NAA30: variants seen among roughly 807,000 people sequenced by gnomAD.
NAA30 encodes N-alpha-acetyltransferase 30, NatC catalytic subunit, also known as N-alpha-acetyltransferase 30.
NAA30 carries 5 observed loss-of-function variants against 31.4 expected under a neutral mutation model. The ratio of observed to expected loss-of-function variants is 0.16; its 90% CI spans 0.08 to 0.33. The LOEUF (loss-of-function observed/expected upper bound fraction) is 0.33. NAA30 is among the 10% of genes least tolerant of loss of function. The pLI is 1.00. For missense variants in NAA30, 428 were observed against 490.8 expected (o/e 0.87, Z 1.21); for synonymous variants, 222 against 207.1 (o/e 1.07, Z -0.62).
chr14:57,407,386 T>C (rs912735770), intron 4 of NAA30, among the ~76,000 whole-genome samples: 3 of 152,114 alleles, frequency 2.0e-5, no homozygotes, highest in Non-Finnish European at 4.4e-5. Context: ...CTAGGAGAGA[T>C]GACATACCAC....
chr14:57,406,326 AT>A (rs1313997450), intron 4 of NAA30, among the ~76,000 whole-genome samples: 13 of 152,120 alleles, frequency 8.5e-5, no homozygotes, highest in African/African-American at 3.1e-4. Flanking sequence ...AATATTTTAG[AT>A]TGCTAAATAT....
chr14:57,409,909 A>G lies in NAA30; in HGVS notation c.*393A>G. 6.4e-6 allele frequency: 1 copy of G among 157,124 alleles called. No homozygotes were observed. 9.7% of individuals were successfully genotyped at this position (157,124 alleles called of 1,614,324 possible). A position where few individuals can be genotyped will look rare whatever the true frequency, so the allele number is the denominator to read the frequency against. The stretch of plus-strand genomic sequence containing the variant: ...GTCTTTAAGTATACTAACATTTCAC[A>G]CAAAACCTGCCCTAGTTTTCTGAAG... On this transcript the variant is annotated 3_prime_UTR_variant, in exon 5 of 5. Coordinates refer to ENST00000556492, the MANE Select transcript of NAA30 (RefSeq NM_001011713.3).
chr14:57,394,283 T>G (rs551154599), intron 2 of NAA30, among the ~76,000 whole-genome samples: 14 of 152,292 alleles, frequency 9.2e-5, no homozygotes, highest in African/African-American at 2.9e-4. Flanking sequence ...TGTTCTAAAT[T>G]TAACTTTTTG....
Position 57,391,332 on chromosome 14 carries a change from T to G in NAA30, c.375T>G (p.Thr125=), listed in dbSNP as rs2139756424. The change falls in exon 2 of 5, where the codon ACT becomes ACG. Residue 125 remains threonine (T), a synonymous_variant. Transcript: ENST00000556492. This position sits in a 1 kb window ranked among gnomAD's most constrained non-coding sequence, Gnocchi z 4.1. ...TATPDGGPRA[T]ATKGAGVHSG... is the part of the protein sequence containing the mutation. The stretch of plus-strand genomic sequence containing the variant: ...CCCCTGACGGAGGCCCCAGAGCGAC[T>G]GCAACAAAAGGAGCCGGGGTACACT... The G allele has an allele frequency of 6.2e-7, 1 of 1,611,882 alleles. No homozygotes were observed. The highest frequency in any genetic ancestry group is 2.2e-5 in the East Asian group (1 of 44,860).
At chr14:57,408,006 G>C (rs140999036) in intron 4 of NAA30, among the ~76,000 whole-genome samples, 1 of 152,142 alleles carries the variant, frequency 6.6e-6, no homozygotes, top group South Asian at 2.1e-4. Flanking sequence ...TTGGTGTGGT[G>C]GGGGGTGATC....
Position 57,415,308 on chromosome 14 carries a change from G to A in NAA30, c.*5792G>A, listed in dbSNP as rs2066542424. 6.6e-6 allele frequency: 1 copy of A among 152,234 alleles called. No individual in the cohort carries two copies. Among genetic ancestry groups the A allele is most frequent in the African/African-American group, 2.4e-5 (1 of 41,468 alleles). The allele number at this position is 152,234 out of a possible 1,614,324, so 9.4% of individuals were successfully genotyped here. On this transcript the variant is annotated 3_prime_UTR_variant, in exon 5 of 5. Coordinates refer to ENST00000556492, the MANE Select transcript of NAA30 (RefSeq NM_001011713.3). ...TTTAGTGAGATTTGTATTCTAGGAA[G>A]TGTGTGCCGTCACTTGTTCATTTAC...
chr14:57,391,584 G>A lies in NAA30; in HGVS notation c.627G>A (p.Glu209=). ...CGGGCAGGGAGGTTGAGCCTGGGGA[G>A]GATCGGACGATACGATATGTCCGAT... ...SPSGREVEPG[E]DRTIRYVRYE... The change falls in exon 2 of 5, where the codon GAG becomes GAA. Residue 209 remains glutamate (E), a synonymous_variant. Transcript: ENST00000556492. This position sits in a 1 kb window ranked among gnomAD's most constrained non-coding sequence, Gnocchi z 4.1. The A allele has an allele frequency of 6.2e-7, 1 of 1,614,250 alleles. No individual in the cohort carries two copies. Among genetic ancestry groups the A allele is most frequent in the Non-Finnish European group, 8.5e-7 (1 of 1,180,044 alleles).
chr14:57,397,699 G>C (rs2066457392), intron 3 of NAA30, among the ~76,000 whole-genome samples: 1 of 152,210 alleles, frequency 6.6e-6, no homozygotes, highest in African/African-American at 2.4e-5. Context: ...GGCCAAGGCA[G>C]GTGAGTCACT....
chr14:57,394,764 C>A (rs1429242181), intron 2 of NAA30, among the ~76,000 whole-genome samples: 3 of 152,086 alleles, frequency 2.0e-5, no homozygotes, highest in African/African-American at 2.4e-5. Context: ...AATTCCTGTT[C>A]AGATTGAAAG....
chr14:57,395,671 C>T (rs950695712), intron 2 of NAA30, among the ~76,000 whole-genome samples: 3 of 152,016 alleles, frequency 2.0e-5, no homozygotes, highest in Non-Finnish European at 2.9e-5. Flanking sequence ...GAAAGCTGTA[C>T]GTTTTTATTA....
intron 4 of NAA30, among the ~76,000 whole-genome samples, chr14:57,406,530 A>G (rs913447154): frequency 3.9e-5 from 6 of 152,218 alleles, no homozygotes; most frequent in African/African-American, 1.4e-4. Flanking sequence ...TAAAATGGAT[A>G]ACCACATCAA....
rs534240197 is a variant in NAA30, at chr14:57,403,956, T to G, written c.951+4073T>G. Among the ~76,000 whole-genome samples, 12 of 152,326 alleles carry G rather than the reference T, an allele frequency of 7.9e-5. No individual in the cohort carries two copies. The South Asian group carries it at 2.5e-3, about 32-fold the overall frequency. On this transcript the variant is annotated intron_variant, in intron 4 of 4. Coordinates refer to ENST00000556492, the MANE Select transcript of NAA30 (RefSeq NM_001011713.3). ...TGCCTCGATTTTTAAGCCATTGATA[T>G]CCTTAAAATCTTAATCTCTGAAAAC...
rs2066530717 is a variant in NAA30 at position 57,413,111 on chromosome 14, T to C, written c.*3595T>C. On this transcript the variant is annotated 3_prime_UTR_variant, in exon 5 of 5. Transcript: ENST00000556492. ...TTGTCTGTACACTGCCACTCTGTAA[T>C]GTTCCCCCCACCCCATCCCACCCTT... The C allele has an allele frequency of 6.6e-6, 1 of 152,172 alleles. No homozygotes were observed. Among genetic ancestry groups the C allele is most frequent in the Non-Finnish European group, 1.5e-5 (1 of 68,032 alleles). 9.4% of individuals were successfully genotyped at this position (152,172 alleles called of 1,614,324 possible).
rs552556579 is a variant in NAA30, at chr14:57,408,283, A to G, written c.952-1096A>G. 2.0e-5 allele frequency among the ~76,000 whole-genome samples: 3 copies of G among 152,300 alleles called. No individual in the cohort carries two copies. The East Asian group carries it at 5.8e-4, about 29-fold the overall frequency. ...TGGCTCACTGTGTTGATAGTTCTCA[A>G]TGAAATAAGTTGAGAAACAATTGAA... is the stretch of plus-strand genomic sequence containing the variant. On this transcript the variant is annotated intron_variant, in intron 4 of 4. Coordinates refer to ENST00000556492, the MANE Select transcript of NAA30 (RefSeq NM_001011713.3).
chr14:57,399,687 C>T, intron 3 of NAA30, 141 bp from the exon 4 acceptor site: 1 of 612,008 alleles, frequency 1.6e-6, no homozygotes, highest in Non-Finnish European at 2.9e-6. Flanking sequence ...AAAATTTTTC[C>T]CATTTAATTT....
rs2066542808 is a variant in NAA30 at position 57,415,387 on chromosome 14, C to G, written c.*5871C>G. The stretch of plus-strand genomic sequence containing the variant: ...TTTCCTTTCATGCCAAAGAAACTCA[C>G]CCTTTTTAAAAGCCAGCAGGTTGCA... On this transcript the variant is annotated 3_prime_UTR_variant, in exon 5 of 5. Coordinates refer to ENST00000556492, the MANE Select transcript of NAA30 (RefSeq NM_001011713.3). 1 of 152,138 alleles carries G rather than the reference C, an allele frequency of 6.6e-6. No individual in the cohort carries two copies. Among genetic ancestry groups the G allele is most frequent in the African/African-American group, 2.4e-5 (1 of 41,434 alleles). The allele number at this position is 152,138 out of a possible 1,614,324, so 9.4% of individuals were successfully genotyped here. A position where few individuals can be genotyped will look rare whatever the true frequency, so the allele number is the denominator to read the frequency against.
intron 2 of NAA30, among the ~76,000 whole-genome samples, chr14:57,396,086 T>C (rs1408459883): frequency 6.6e-6 from 1 of 152,194 alleles, no homozygotes; most frequent in East Asian, 1.9e-4. Context: ...GCCATTCTCC[T>C]ATCTCAGCTT....
rs760287564 is a variant in NAA30, at chr14:57,391,475, CCGAGCA to C, written c.519_524del (p.Gln175_Glu176del). On this transcript the variant is annotated inframe_deletion, in exon 2 of 5. Coordinates refer to ENST00000556492, the MANE Select transcript of NAA30 (RefSeq NM_001011713.3). This position sits in a 1 kb window ranked among gnomAD's most constrained non-coding sequence, Gnocchi z 4.1. ...GCCCGCAATGGACTGGCCGAGGGCA[CCGAGCA>C]GGAGGAGGAGGAGGAAGACGAGCAG... 5.6e-6 allele frequency: 9 copies of C among 1,612,144 alleles called. No individual in the cohort carries two copies. Among genetic ancestry groups the C allele is most frequent in the Non-Finnish European group, 7.6e-6 (9 of 1,179,448 alleles).
intron 2 of NAA30, among the ~76,000 whole-genome samples, chr14:57,396,199 C>G (rs940825783): frequency 1.3e-5 from 2 of 152,080 alleles, no homozygotes; most frequent in African/African-American, 4.8e-5. Flanking sequence ...GATCTCAAAC[C>G]CCTGAGCTCA....
Sources: gnomAD v4.1 joint callset for allele counts (sites outside exome capture counted in the v4.1 genomes callset) on GRCh38, gnomAD v4.1.1 for gene constraint, Gnocchi (gnomAD v3.1) non-coding constraint, MANE v1.5 for transcripts, NCBI Gene and HGNC (gene_info 2026-07-23, HGNC 2026-07-21) for gene names.